Variants in STAB2 observed in about 807,000 individuals in gnomAD.
STAB2 encodes stabilin 2.
Under a neutral mutation model 338.1 loss-of-function variants are expected in STAB2, and 288 were observed. That is an observed-to-expected ratio of 0.85 (90% CI 0.77 to 0.94). STAB2 has a LOEUF of 0.94. Ranked by LOEUF, STAB2 falls within the 40% of genes least tolerant of loss-of-function variation. STAB2 has a pLI of 0.00. For missense variants in STAB2, 3,141 were observed against 3,210.1 expected, an observed-to-expected ratio of 0.98 and a Z score of 0.52; for synonymous variants, 1,202 against 1,193.3, an observed-to-expected ratio of 1.01 and a Z score of -0.15.
At chr12:103,766,161 G>A (rs542678309) in intron 68 of STAB2, 125 bp from the exon 69 acceptor site, 23 of 1,293,752 alleles carry the variant, frequency 1.8e-5, no homozygotes, top group Middle Eastern at 1.9e-4. Context: ...AAACAAACAC[G>A]CCCAGCACAT....
chr12:103,600,077 C>T (rs551453654), intron 3 of STAB2, among the ~76,000 whole-genome samples: 50 of 152,076 alleles, frequency 3.3e-4, no homozygotes, highest in Admixed American at 6.6e-4. Context: ...ATAATAATAC[C>T]TTCCTCATTT....
chr12:103,727,063 C>T (rs1003010449), intron 46 of STAB2, among the ~76,000 whole-genome samples: 10 of 152,060 alleles, frequency 6.6e-5, no homozygotes, highest in African/African-American at 1.4e-4. Context: ...ATACAATAAA[C>T]GTGTTAATTT....
At chr12:103,739,535 G>C in intron 54 of STAB2, 67 bp downstream of exon 54, 1 of 258,200 alleles carries the variant, frequency 3.9e-6, no homozygotes, top group Non-Finnish European at 6.4e-6. Context: ...ACCTGTGTGT[G>C]TGTGTGTGTG....
At chr12:103,733,346 G>A (rs75192010) in intron 51 of STAB2, among the ~76,000 whole-genome samples, 164 bp downstream of exon 51, 2,106 of 152,230 alleles carry the variant, frequency 0.014, 47 homozygotes, top group African/African-American at 0.048. Context: ...CTGACTGGCC[G>A]TGGTTGATTG....
intron 44 of STAB2, among the ~76,000 whole-genome samples, chr12:103,719,829 A>G (rs1880616670): frequency 6.6e-6 from 1 of 152,200 alleles, no homozygotes; most frequent in Non-Finnish European, 1.5e-5. Context: ...AGTATGTGGC[A>G]TGGCCAGCAC....
At chr12:103,603,701 T>G (rs1393553394) in intron 3 of STAB2, among the ~76,000 whole-genome samples, 2 of 152,184 alleles carry the variant, frequency 1.3e-5, no homozygotes, top group Non-Finnish European at 1.5e-5. Context: ...CTAGTACCTT[T>G]GCTTTTCCAT....
At chr12:103,640,546 G>A (rs758389474) in intron 9 of STAB2, among the ~76,000 whole-genome samples, 1 of 152,200 alleles carries the variant, frequency 6.6e-6, no homozygotes, top group Non-Finnish European at 1.5e-5. Flanking sequence ...CACTGCGACT[G>A]GGGAAACAAA....
chr12:103,715,309 A>AT lies in STAB2; in HGVS notation c.4538-496dup, dbSNP rs111345221. 6.4e-3 allele frequency among the ~76,000 whole-genome samples: 963 copies of AT among 150,034 alleles called. 6 individuals carry two copies. Among genetic ancestry groups the AT allele is most frequent in the African/African-American group, 0.022 (883 of 40,896 alleles). On this transcript the variant is annotated intron_variant, in intron 42 of 68. Transcript: ENST00000388887. ...GCTGTGATGTTTCCATTATACAGTTATTTTTTTTTTCTACTTTACTACTGA... is the reference window on the plus strand; with the variant it reads ...GCTGTGATGTTTCCATTATACAGTTATTTTTTTTTTTCTACTTTACTACTGA...
chr12:103,704,713 C>T (rs1442892330), intron 36 of STAB2, 99 bp downstream of exon 36: 1 of 970,976 alleles, frequency 1.0e-6, no homozygotes, highest in Non-Finnish European at 1.6e-6. Context: ...TTCCCTCATT[C>T]CTTCACTTAA....
chr12:103,723,113 C>T (rs557510175), intron 44 of STAB2, among the ~76,000 whole-genome samples: 2 of 152,188 alleles, frequency 1.3e-5, no homozygotes, highest in East Asian at 3.9e-4. Flanking sequence ...CCATGAGGCA[C>T]AAGTGGGGCT....
Position 103,717,760 on chromosome 12 carries a change from T to A in STAB2, c.4612-10T>A. 1.9e-6 allele frequency: 3 copies of A among 1,614,056 alleles called. No homozygotes were observed. In the South Asian group the frequency reaches 3.3e-5, roughly 18 times the overall value. On this transcript the variant is annotated splice_polypyrimidine_tract_variant and intron_variant, in intron 43 of 68. Coordinates refer to ENST00000388887, the MANE Select transcript of STAB2 (RefSeq NM_017564.10). ...GCAAAATGACCCCATGTGCTTCTACTCCTGGACAGGCTGCCTGTAACTGTT... is the reference window on the plus strand; with the variant it reads ...GCAAAATGACCCCATGTGCTTCTACACCTGGACAGGCTGCCTGTAACTGTT...
At chr12:103,713,351 C>G (rs1880035682) in intron 41 of STAB2, among the ~76,000 whole-genome samples, 1 of 152,212 alleles carries the variant, frequency 6.6e-6, no homozygotes, top group Non-Finnish European at 1.5e-5. Context: ...TCATGCCAAT[C>G]TGCTTTCTAG....
rs542183760 is a variant in STAB2 at position 103,664,667 on chromosome 12, CTGAT to C, written c.2023-1622_2023-1619del. On this transcript the variant is annotated intron_variant, in intron 18 of 68. Coordinates refer to ENST00000388887, the MANE Select transcript of STAB2 (RefSeq NM_017564.10). Reference sequence around the variant, plus strand: ...TCATTTTATTTATTGTTTTGTTTTACTGATTCCTCTTCTTGTTATGAAGGCTGGA... The same window carrying C: ...TCATTTTATTTATTGTTTTGTTTTACTCCTCTTCTTGTTATGAAGGCTGGA... Among the ~76,000 whole-genome samples the C allele has an allele frequency of 1.2e-3, 186 of 152,298 alleles. 1 individual carries two copies. Among genetic ancestry groups the C allele is most frequent in the African/African-American group, 4.3e-3 (177 of 41,548 alleles).
chr12:103,649,454 T>A (rs1418584809), intron 10 of STAB2, among the ~76,000 whole-genome samples: 2 of 152,176 alleles, frequency 1.3e-5, no homozygotes, highest in Non-Finnish European at 2.9e-5. Flanking sequence ...ATATTATAAC[T>A]GATCACAGCA....
Position 103,731,635 on chromosome 12 carries a change from G to C in STAB2, c.5283G>C (p.Gln1761His), listed in dbSNP as rs1566055928. The change falls in exon 50 of 69, where the codon CAG becomes CAC. Residue 1761 changes from glutamine to histidine, a missense_variant and splice_region_variant. Physicochemically the swap from Gln to His is conservative, Grantham distance 24. Transcript: ENST00000388887. ...ACATCAAATTTAGCAACTTAATACA[G>C]GTAAAAATTTAGGGGAAGTTGACTC... ...NGYIKFSNLIQDSGLLSVITD... is the reference protein window; with the variant it reads ...NGYIKFSNLIHDSGLLSVITD... 2 of 1,611,852 alleles carry C rather than the reference G, an allele frequency of 1.2e-6. No homozygotes were observed. The highest frequency in any genetic ancestry group is 1.1e-5 in the South Asian group (1 of 90,284).
chr12:103,697,378 C>T (rs1165350120), intron 33 of STAB2, among the ~76,000 whole-genome samples: 4 of 152,192 alleles, frequency 2.6e-5, no homozygotes, highest in Non-Finnish European at 5.9e-5. Flanking sequence ...CCCTCTAACC[C>T]AACCCATTTC....
chr12:103,680,228 G>A (rs1181725883), intron 25 of STAB2, among the ~76,000 whole-genome samples: 6 of 152,164 alleles, frequency 3.9e-5, no homozygotes, highest in Non-Finnish European at 8.8e-5. Flanking sequence ...GTACACGAAT[G>A]TGAATGTATT....
chr12:103,707,057 G>A, intron 38 of STAB2, 70 bp downstream of exon 38: 3 of 1,539,172 alleles, frequency 1.9e-6, no homozygotes, highest in Non-Finnish European at 2.6e-6. Context: ...GGGAAAGAGT[G>A]ATCCCACACG....
chr12:103,651,314 A>ATT (rs10669870), intron 11 of STAB2, among the ~76,000 whole-genome samples: 58,254 of 132,634 alleles, frequency 0.44, 14,057 homozygotes, highest in African/African-American at 0.54. Flanking sequence ...CCTGATCTTG[A>ATT]TTTTTTTTTT....
Sources: allele counts gnomAD v4.1 joint callset (sites outside exome capture counted in the v4.1 genomes callset), GRCh38; gene constraint gnomAD v4.1.1; transcripts MANE v1.5; gene names NCBI Gene and HGNC (gene_info 2026-07-23, HGNC 2026-07-21).